Variants in CFAP221 observed in about 807,000 individuals in gnomAD.
The protein encoded by CFAP221 is cilia- and flagella-associated protein 221.
Under a neutral mutation model 113.1 loss-of-function variants are expected in CFAP221, and 97 were observed. The observed-to-expected ratio is 0.86, with a 90% CI of 0.73 to 1.02. The LOEUF (loss-of-function observed/expected upper bound fraction) is 1.02, where lower values mean the gene tolerates loss of function less well. Ranked by LOEUF, CFAP221 falls within the 50% of genes least tolerant of loss-of-function variation. The probability of loss-of-function intolerance (pLI) is 0.00; values close to 1 mark genes in which losing one functional copy is unlikely to be tolerated. For missense variants in CFAP221, 1,025 were observed against 1,013.4 expected, an observed-to-expected ratio of 1.01 and a Z score of -0.16; for synonymous variants, 331 against 354.4, an observed-to-expected ratio of 0.93 and a Z score of 0.74.
At chr2:119,563,182 A>G (rs1161427463) in intron 6 of CFAP221, among the ~76,000 whole-genome samples, 1 of 152,168 alleles carries the variant, frequency 6.6e-6, no homozygotes, top group Non-Finnish European at 1.5e-5. Context: ...ATGGCATAGT[A>G]TTTACATATA....
At chr2:119,622,876 A>T (rs1686032687) in intron 14 of CFAP221, among the ~76,000 whole-genome samples, 1 of 152,204 alleles carries the variant, frequency 6.6e-6, no homozygotes, top group Admixed American at 6.5e-5. Context: ...TCTCAAAATA[A>T]TAAGAACTAT....
Position 119,544,495 on chromosome 2 carries a change from G to C in CFAP221, c.-63G>C, listed in dbSNP as rs1020380166. On this transcript the variant is annotated 5_prime_UTR_variant, in exon 1 of 24. Transcript: ENST00000413369. Reference sequence around the variant, plus strand: ...CGCTGGCGCCGGCCGAATCCGGCCCGGGAACCACCTCCAGGGTGAGCGGCC... The same window carrying C: ...CGCTGGCGCCGGCCGAATCCGGCCCCGGAACCACCTCCAGGGTGAGCGGCC... The C allele has an allele frequency of 6.6e-6, 1 of 151,916 alleles. No homozygotes were observed. The highest frequency in any genetic ancestry group is 2.4e-5 in the African/African-American group (1 of 41,412). 9.4% of individuals were successfully genotyped at this position (151,916 alleles called of 1,614,324 possible).
chr2:119,555,479 A>G lies in CFAP221; in HGVS notation c.241-4210A>G, dbSNP rs1054236678. ...CATACACTTTCTAAGCACTTTATTC[A>G]TTTTCCCAAGGTTTGTTTTTCCTTT... is the stretch of plus-strand genomic sequence containing the variant. On this transcript the variant is annotated intron_variant, in intron 3 of 23. Coordinates refer to ENST00000413369, the MANE Select transcript of CFAP221 (RefSeq NM_001271049.2). Among the ~76,000 whole-genome samples the G allele has an allele frequency of 5.9e-5, 9 of 151,984 alleles. 1 individual carries two copies. The highest frequency in any genetic ancestry group is 1.7e-4 in the African/African-American group (7 of 41,346).
intron 19 of CFAP221, 138 bp from the exon 20 acceptor site, chr2:119,638,121 C>G (rs764515001): frequency 8.6e-6 from 7 of 816,818 alleles, no homozygotes; most frequent in Middle Eastern, 2.5e-4. Flanking sequence ...TCCTGCTTCT[C>G]TTTTCCAGAC....
At chr2:119,585,990 A>G (rs1376357931) in intron 6 of CFAP221, among the ~76,000 whole-genome samples, 1 of 152,138 alleles carries the variant, frequency 6.6e-6, no homozygotes, top group Non-Finnish European at 1.5e-5. Context: ...CCAGATTACA[A>G]CTGTGTTCTC....
At chr2:119,655,445 A>C (rs996693640) in intron 23 of CFAP221, among the ~76,000 whole-genome samples, 1 of 152,214 alleles carries the variant, frequency 6.6e-6, no homozygotes, top group East Asian at 1.9e-4. Flanking sequence ...GGAACATCTT[A>C]ATTCTCCATT....
At chr2:119,589,956 G>C (rs573121935) in intron 7 of CFAP221, 3 of 151,890 alleles carry the variant, frequency 2.0e-5, no homozygotes, top group African/African-American at 4.8e-5. Flanking sequence ...TTTTTTTTCC[G>C]TGAAATCTGA....
At chr2:119,616,346 A>G (rs1030671496) in intron 14 of CFAP221, among the ~76,000 whole-genome samples, 6 of 152,192 alleles carry the variant, frequency 3.9e-5, no homozygotes, top group Admixed American at 2.6e-4. Context: ...TTACCCATTC[A>G]TCAGTTGATG....
At chr2:119,653,762 G>A (rs1688268162) in intron 23 of CFAP221, among the ~76,000 whole-genome samples, 1 of 152,170 alleles carries the variant, frequency 6.6e-6, no homozygotes, top group Non-Finnish European at 1.5e-5. Context: ...TACTGGTAGA[G>A]GTTAGAGCTG....
At chr2:119,637,370 C>G (rs1191726977) in intron 19 of CFAP221, among the ~76,000 whole-genome samples, 1 of 152,112 alleles carries the variant, frequency 6.6e-6, no homozygotes, top group Non-Finnish European at 1.5e-5. Flanking sequence ...CATCTGGGTG[C>G]CGGAATGCAT....
intron 1 of CFAP221, among the ~76,000 whole-genome samples, chr2:119,545,551 T>G (rs575655901): frequency 6.6e-6 from 1 of 152,242 alleles, no homozygotes; most frequent in East Asian, 1.9e-4. Context: ...TTTCACCACC[T>G]CCTCATCACC....
intron 7 of CFAP221, among the ~76,000 whole-genome samples, chr2:119,593,601 AGGCCGAGGAG>A (rs1312321204): frequency 6.6e-6 from 1 of 152,158 alleles, no homozygotes; most frequent in Non-Finnish European, 1.5e-5. Context: ...GCACTTTGGG[AGGCCGAGGAG>A]GGCGGATCAC....
intron 15 of CFAP221, 62 bp downstream of exon 15, chr2:119,625,750 T>G: frequency 7.1e-7 from 1 of 1,406,856 alleles, no homozygotes; most frequent in South Asian, 1.2e-5. Context: ...GCGTGAACTT[T>G]CCTTAGAATG....
intron 7 of CFAP221, among the ~76,000 whole-genome samples, chr2:119,597,489 T>A (rs1297695249): frequency 1.3e-5 from 2 of 152,124 alleles, no homozygotes; most frequent in African/African-American, 4.8e-5. Context: ...AGAGATCGAG[T>A]TGTTTACCCA....
At chr2:119,606,878 C>T (rs746621606) in intron 11 of CFAP221, among the ~76,000 whole-genome samples, 3 of 152,086 alleles carry the variant, frequency 2.0e-5, no homozygotes, top group Non-Finnish European at 4.4e-5. Flanking sequence ...ATGACACATA[C>T]ACTTCCCCTC....
chr2:119,553,439 G>T (rs945631896), intron 3 of CFAP221, among the ~76,000 whole-genome samples: 2 of 152,186 alleles, frequency 1.3e-5, no homozygotes, highest in Admixed American at 6.5e-5. Context: ...GCAGCAGGAA[G>T]TTAAGGAAGT....
chr2:119,562,686 G>A (rs1681344127), intron 6 of CFAP221, among the ~76,000 whole-genome samples: 1 of 152,158 alleles, frequency 6.6e-6, no homozygotes, highest in African/African-American at 2.4e-5. Context: ...TTTGGTGAAT[G>A]ATTCCAATGT....
Position 119,549,158 on chromosome 2 carries a change from A to C in CFAP221, c.213A>C (p.Gln71His). 1 of 1,534,928 alleles carries C rather than the reference A, an allele frequency of 6.5e-7. No homozygotes were observed. Among genetic ancestry groups the C allele is most frequent in the Non-Finnish European group, 8.7e-7 (1 of 1,146,554 alleles). Reference protein sequence around the residue: ...RPGIIHFGGYQVEKQHQQILH... With the variant: ...RPGIIHFGGYHVEKQHQQILH... ...GCATAATACATTTTGGAGGCTATCA[A>C]GTAGAAAAACAACACCAACAGATTC... The change falls in exon 3 of 24, where the codon CAA becomes CAC. Residue 71 changes from glutamine to histidine, a missense_variant. By Grantham distance (24) the Gln-to-His change is conservative. Transcript: ENST00000413369.
chr2:119,627,618 G>A (rs971178288), intron 15 of CFAP221, 35 bp from the exon 16 acceptor site: 8 of 1,601,972 alleles, frequency 5.0e-6, no homozygotes, highest in African/African-American at 1.4e-5. Flanking sequence ...AATACCTTTA[G>A]TACCCCCTAA....
Sources: gnomAD v4.1 joint callset for allele counts (sites outside exome capture counted in the v4.1 genomes callset) on GRCh38, gnomAD v4.1.1 for gene constraint, MANE v1.5 for transcripts, NCBI Gene and HGNC (gene_info 2026-07-23, HGNC 2026-07-21) for gene names.